The following FCHSD2 variants were observed in gnomAD, a reference collection of about 807,000 sequenced individuals.
The protein encoded by FCHSD2 is F-BAR and double SH3 domains protein 2.
In FCHSD2, 38 loss-of-function variants were observed where a neutral mutation model predicts 108.1. The observed-to-expected ratio is 0.35, with a 90% CI of 0.27 to 0.46. The LOEUF (loss-of-function observed/expected upper bound fraction) is 0.46, where lower values mean the gene tolerates loss of function less well. Among genes scored for constraint, FCHSD2 ranks in the 20% least tolerant of loss-of-function variants. FCHSD2 has a pLI of 1.00. For synonymous variants in FCHSD2, 279 were observed against 314.7 expected, an observed-to-expected ratio of 0.89 and a Z score of 1.20; for missense variants, 751 against 897.8, an observed-to-expected ratio of 0.84 and a Z score of 2.09.
rs114876231 is a variant in FCHSD2, at chr11:72,839,837, G to A, written c.2140-963C>T. On this transcript the variant is annotated intron_variant, in intron 19 of 19. Transcript: ENST00000409418. ...TGGCATATAAATGGTTATCATAGCT[G>A]TGGAAGTAGATGAGGTCATTCGGCA... Among the ~76,000 whole-genome samples, 1,439 of 152,284 alleles carry A rather than the reference G, an allele frequency of 9.4e-3. 24 individuals carry two copies. Among genetic ancestry groups the A allele is most frequent in the African/African-American group, 0.032 (1,314 of 41,538 alleles).
At chr11:73,033,113 C>G (rs1388059639) in intron 3 of FCHSD2, among the ~76,000 whole-genome samples, 1 of 151,782 alleles carries the variant, frequency 6.6e-6, no homozygotes, top group Non-Finnish European at 1.5e-5. Context: ...ATGGTGAAAC[C>G]CCGTCTCTAC....
chr11:73,115,415 C>A (rs945522098), intron 2 of FCHSD2, among the ~76,000 whole-genome samples: 1 of 152,194 alleles, frequency 6.6e-6, no homozygotes, highest in Non-Finnish European at 1.5e-5. Context: ...GTTCTCCTGA[C>A]GTTTGGCCTC....
chr11:73,122,027 C>T (rs1020589073), intron 2 of FCHSD2, among the ~76,000 whole-genome samples: 1 of 152,130 alleles, frequency 6.6e-6, no homozygotes, highest in Admixed American at 6.6e-5. Context: ...TACAATATGA[C>T]TGCAACTATG....
intron 5 of FCHSD2, among the ~76,000 whole-genome samples, chr11:72,998,290 C>T (rs965027842): frequency 2.0e-5 from 3 of 151,978 alleles, no homozygotes; most frequent in African/African-American, 4.8e-5. Context: ...CTGTAATCCC[C>T]GCACTTTTGG....
intron 16 of FCHSD2, 81 bp downstream of exon 16, chr11:72,843,070 A>G: frequency 7.3e-7 from 1 of 1,369,024 alleles, no homozygotes; most frequent in Non-Finnish European, 1.0e-6. Context: ...TGTGCTTTTT[A>G]TCCTACTGAA....
Position 72,890,032 on chromosome 11 carries a change from C to T in FCHSD2, c.925-87G>A, listed in dbSNP as rs867789059. 61 of 765,104 alleles carry T rather than the reference C, an allele frequency of 8.0e-5. No homozygotes were observed. The South Asian group carries it at 8.8e-4, about 11-fold the overall frequency. 47.4% of individuals were successfully genotyped at this position (765,104 alleles called of 1,614,324 possible). A position where few individuals can be genotyped will look rare whatever the true frequency, so the allele number is the denominator to read the frequency against. On this transcript the variant is annotated intron_variant, in intron 10 of 19. Transcript: ENST00000409418. Reference sequence around the variant, plus strand: ...TTGTAGATGGATCAGAAGGCCTTCACTTAATCAGCACTCAAAACATGAGGC... The same window carrying T: ...TTGTAGATGGATCAGAAGGCCTTCATTTAATCAGCACTCAAAACATGAGGC...
intron 3 of FCHSD2, among the ~76,000 whole-genome samples, chr11:73,064,612 G>A (rs907117294): frequency 6.6e-5 from 10 of 152,006 alleles, no homozygotes; most frequent in African/African-American, 2.4e-4. Context: ...GGATATCACT[G>A]ATTCTGTGGG....
intron 8 of FCHSD2, among the ~76,000 whole-genome samples, chr11:72,950,602 T>C (rs1856603794): frequency 6.6e-6 from 1 of 152,264 alleles, no homozygotes; most frequent in Non-Finnish European, 1.5e-5. Context: ...CTCCACTGAA[T>C]TGTTTTAGTA....
At chr11:73,056,601 CTCAT>C (rs964176898) in intron 3 of FCHSD2, among the ~76,000 whole-genome samples, 1 of 152,122 alleles carries the variant, frequency 6.6e-6, no homozygotes, top group African/African-American at 2.4e-5. Context: ...ACTATATTTC[CTCAT>C]TCATTCATTC....
chr11:72,860,017 A>C (rs1040597168), intron 13 of FCHSD2, among the ~76,000 whole-genome samples: 3 of 152,112 alleles, frequency 2.0e-5, no homozygotes, highest in Non-Finnish European at 4.4e-5. Flanking sequence ...TCAGGATGAA[A>C]CTGTTCCATC....
chr11:72,857,592 C>A (rs996651002), intron 13 of FCHSD2, among the ~76,000 whole-genome samples: 1 of 151,616 alleles, frequency 6.6e-6, no homozygotes, highest in Non-Finnish European at 1.5e-5. Flanking sequence ...GTGTGTGCCA[C>A]CATGCCCAGC....
At chr11:73,111,886 A>G (rs954436195) in intron 2 of FCHSD2, among the ~76,000 whole-genome samples, 1 of 152,058 alleles carries the variant, frequency 6.6e-6, no homozygotes. Context: ...AAAAACCTAC[A>G]CTTTTAACTT....
At chr11:73,124,123 A>G (rs1041146672) in intron 2 of FCHSD2, among the ~76,000 whole-genome samples, 3 of 152,166 alleles carry the variant, frequency 2.0e-5, no homozygotes, top group African/African-American at 7.2e-5. Context: ...ACATGGATGA[A>G]GCTGGAAACC....
At chr11:72,876,232 AGGT>A (rs1368528594) in intron 12 of FCHSD2, among the ~76,000 whole-genome samples, 1 of 152,132 alleles carries the variant, frequency 6.6e-6, no homozygotes, top group Non-Finnish European at 1.5e-5. Flanking sequence ...CGGGAGGCTG[AGGT>A]GGGAGGATTG....
chr11:73,032,201 T>G (rs1858376827), intron 3 of FCHSD2, among the ~76,000 whole-genome samples: 1 of 152,104 alleles, frequency 6.6e-6, no homozygotes, highest in African/African-American at 2.4e-5. Context: ...AGCTTTTAGT[T>G]TTTATTCTTT....
At chr11:72,905,803 G>A (rs1354851371) in intron 9 of FCHSD2, among the ~76,000 whole-genome samples, 2 of 152,192 alleles carry the variant, frequency 1.3e-5, no homozygotes, top group South Asian at 4.1e-4. Context: ...ATTCCATGGT[G>A]TATATGTGCT....
chr11:72,905,146 C>A (rs1301877325), intron 9 of FCHSD2, among the ~76,000 whole-genome samples: 2 of 152,098 alleles, frequency 1.3e-5, no homozygotes, highest in South Asian at 4.1e-4. Flanking sequence ...AGTCCAAGAT[C>A]GAGTGTTGAC....
intron 8 of FCHSD2, among the ~76,000 whole-genome samples, chr11:72,977,464 T>A (rs999195274): frequency 6.6e-6 from 1 of 152,096 alleles, no homozygotes; most frequent in African/African-American, 2.4e-5. Flanking sequence ...CCAGAATATA[T>A]AAGGAGCTCA....
chr11:72,989,714 A>C (rs1047398267), intron 5 of FCHSD2, among the ~76,000 whole-genome samples: 1 of 152,198 alleles, frequency 6.6e-6, no homozygotes, highest in Non-Finnish European at 1.5e-5. Context: ...ATGTTTAATC[A>C]ATTAACTCTT....
Sources: gnomAD v4.1 joint callset for allele counts (sites outside exome capture counted in the v4.1 genomes callset) on GRCh38, gnomAD v4.1.1 for gene constraint, MANE v1.5 for transcripts, NCBI Gene and HGNC (gene_info 2026-07-23, HGNC 2026-07-21) for gene names.